C7orf78: variants seen among roughly 807,000 people sequenced by gnomAD.
The protein encoded by C7orf78 is putative uncharacterized protein C7orf78.
At chr7:12,518,992 G>C in the C7orf78 span, among the ~76,000 whole-genome samples, 4 of 152,092 alleles carry the variant, frequency 2.6e-5, no homozygotes, top group African/African-American at 9.7e-5. Context: ...CGTGCTGCTG[G>C]TATGGGCTGG....
the C7orf78 span, among the ~76,000 whole-genome samples, chr7:12,505,123 G>A: frequency 2.0e-5 from 3 of 151,874 alleles, no homozygotes; most frequent in East Asian, 5.8e-4. Context: ...TTTTTGTATT[G>A]TCACTATTAT....
At chr7:12,487,949 G>A in the C7orf78 span, among the ~76,000 whole-genome samples, 1 of 152,026 alleles carries the variant, frequency 6.6e-6, no homozygotes, top group East Asian at 1.9e-4. Flanking sequence ...ATTCCAATTT[G>A]CCAACTAATT....
chr7:12,527,290 G>C, the C7orf78 span, among the ~76,000 whole-genome samples: 23 of 109,700 alleles, frequency 2.1e-4, no homozygotes, highest in East Asian at 5.8e-4. Flanking sequence ...CACTCACTTT[G>C]GTAGAAAATG....
chr7:12,495,930 T>A, the C7orf78 span, among the ~76,000 whole-genome samples: 4,396 of 121,234 alleles, frequency 0.036, 205 homozygotes, highest in African/African-American at 0.11. Context: ...TCAAAAAAAA[T>A]TTTTTTTTTT....
the C7orf78 span, among the ~76,000 whole-genome samples, chr7:12,497,674 C>T: frequency 7.7e-4 from 117 of 152,240 alleles, no homozygotes; most frequent in African/African-American, 2.6e-3. Context: ...CCCACCATTG[C>T]CCAGGCTTGA....
At chr7:12,532,548 C>A in the C7orf78 span, among the ~76,000 whole-genome samples, 45 of 135,952 alleles carry the variant, frequency 3.3e-4, no homozygotes, top group African/African-American at 3.9e-4. Context: ...GACTCTGTTT[C>A]AAAAAAAAAA....
the C7orf78 span, among the ~76,000 whole-genome samples, chr7:12,490,069 T>C: frequency 1.3e-5 from 2 of 152,168 alleles, no homozygotes; most frequent in African/African-American, 2.4e-5. Context: ...TTTCTTGCTG[T>C]GGTAAGCACA....
chr7:12,508,961 A>G, the C7orf78 span, among the ~76,000 whole-genome samples: 13 of 152,354 alleles, frequency 8.5e-5, no homozygotes, highest in East Asian at 2.1e-3. Context: ...GGTGACTTGT[A>G]TAATTATTTC....
chr7:12,519,016 G>A, the C7orf78 span, among the ~76,000 whole-genome samples: 1 of 152,138 alleles, frequency 6.6e-6, no homozygotes, highest in Non-Finnish European at 1.5e-5. Flanking sequence ...GGCACAGGGA[G>A]TCTCCAGTTC....
chr7:12,513,183 T>TTTTC, the C7orf78 span, among the ~76,000 whole-genome samples: 1 of 152,014 alleles, frequency 6.6e-6, no homozygotes, highest in African/African-American at 2.4e-5. Flanking sequence ...CTCTTACCTT[T>TTTTC]TTTCTTTCTT....
chr7:12,498,144 C>T, the C7orf78 span, among the ~76,000 whole-genome samples: 1 of 151,904 alleles, frequency 6.6e-6, no homozygotes, highest in Admixed American at 6.6e-5. Flanking sequence ...AAAAACAGAA[C>T]AGAAAAACTG....
At chr7:12,497,950 G>T in the C7orf78 span, among the ~76,000 whole-genome samples, 2 of 150,690 alleles carry the variant, frequency 1.3e-5, no homozygotes, top group Non-Finnish European at 3.0e-5. Context: ...AGCCTAACTG[G>T]GAGGCACCCT....
At chr7:12,490,277 C>A in the C7orf78 span, among the ~76,000 whole-genome samples, 1 of 152,018 alleles carries the variant, frequency 6.6e-6, no homozygotes, top group Non-Finnish European at 1.5e-5. Flanking sequence ...AGGGATGATG[C>A]TCACTTTAAC....
chr7:12,517,493 C>T, the C7orf78 span, among the ~76,000 whole-genome samples: 3 of 152,144 alleles, frequency 2.0e-5, no homozygotes, highest in Admixed American at 1.3e-4. Flanking sequence ...TTTGTCCTCT[C>T]CTCACCTTCT....
the C7orf78 span, chr7:12,491,820 TTTC>T: frequency 6.6e-6 from 1 of 152,204 alleles, no homozygotes; most frequent in Non-Finnish European, 1.5e-5. Flanking sequence ...TGCTTCTTTA[TTTC>T]TTATTTTGCT....
At chr7:12,505,646 C>T in the C7orf78 span, among the ~76,000 whole-genome samples, 1 of 152,122 alleles carries the variant, frequency 6.6e-6, no homozygotes, top group East Asian at 1.9e-4. Flanking sequence ...ATAAAAGCAA[C>T]ATTTACTATT....
At chr7:12,540,670 G>T in the C7orf78 span, among the ~76,000 whole-genome samples, 4 of 152,130 alleles carry the variant, frequency 2.6e-5, no homozygotes, top group African/African-American at 9.7e-5. Context: ...AAATTTGACC[G>T]TTTGGCCAAC....
At chr7:12,491,299 T>C in the C7orf78 span, 1 of 152,196 alleles carries the variant, frequency 6.6e-6, no homozygotes. Flanking sequence ...ACAAAGTTTT[T>C]TCTCTGTGTT....
At chr7:12,507,581 G>A in the C7orf78 span, 24,830 of 154,048 alleles carry the variant, frequency 0.16, 2,426 homozygotes, top group South Asian at 0.24. Flanking sequence ...TTTTATAAGC[G>A]TAGGTTTTGA....
Sources: allele counts gnomAD v4.1 joint callset (sites outside exome capture counted in the v4.1 genomes callset), GRCh38; gene constraint gnomAD v4.1.1; transcripts MANE v1.5; gene names NCBI Gene and HGNC (gene_info 2026-07-23, HGNC 2026-07-21).